Variants in ZBTB40 observed in about 807,000 individuals in gnomAD.
ZBTB40 encodes zinc finger and BTB domain containing 40.
In ZBTB40, 60 loss-of-function variants were observed where a neutral mutation model predicts 117.5. The ratio of observed to expected loss-of-function variants is 0.51; its 90% confidence interval spans 0.41 to 0.63. ZBTB40 has a LOEUF of 0.63. Among genes scored for constraint, ZBTB40 ranks in the 30% least tolerant of loss-of-function variants. ZBTB40 has a pLI of 0.00. For missense variants in ZBTB40, 1,287 were observed against 1,498.5 expected (o/e 0.86, Z 2.33); for synonymous variants, 525 against 577.1 (o/e 0.91, Z 1.29).
chr1:22,493,889 T>C (rs1242968622), intron 3 of ZBTB40, among the ~76,000 whole-genome samples: 1 of 151,964 alleles, frequency 6.6e-6, no homozygotes, highest in Non-Finnish European at 1.5e-5. Flanking sequence ...CTGAGTTGTA[T>C]GCATTGTGTG....
chr1:22,491,269 C>G, intron 2 of ZBTB40, 131 bp from the exon 3 acceptor site: 1 of 902,660 alleles, frequency 1.1e-6, no homozygotes, highest in Admixed American at 2.1e-5. Flanking sequence ...GTCTGTTATT[C>G]ATAACTGATG....
rs1292621579 is a variant in ZBTB40 at position 22,491,462 on chromosome 1, G to T, written c.760G>T (p.Ala254Ser). ...AGAAAATGAAGGTGTCTTCTCAGAT[G>T]CACTCATGGTTACCCAGGATGTTTT... is the stretch of plus-strand genomic sequence containing the variant. ...LLENEGVFSD[A>S]LMVTQDVLKK... Residue 254 changes from alanine (A) to serine (S), a missense_variant, in exon 3 of 18, where the codon GCA becomes TCA. Coordinates refer to ENST00000375647, the MANE Select transcript of ZBTB40 (RefSeq NM_014870.4). 3.1e-6 allele frequency: 5 copies of T among 1,613,788 alleles called. No homozygotes were observed. The African/African-American group carries it at 6.7e-5, about 22-fold the overall frequency.
chr1:22,445,392 GTCCAGGTGCAGAGGCTCA>G (rs1640775833), intron 1 of ZBTB40, among the ~76,000 whole-genome samples: 1 of 152,164 alleles, frequency 6.6e-6, no homozygotes, highest in African/African-American at 2.4e-5. Flanking sequence ...AAAGTTCACA[GTCCAGGTGCAGAGGCTCA>G]CCAAAAGGCT....
At chr1:22,494,890 A>T (rs904454230) in intron 3 of ZBTB40, among the ~76,000 whole-genome samples, 1 of 152,196 alleles carries the variant, frequency 6.6e-6, no homozygotes, top group African/African-American at 2.4e-5. Context: ...ATTTCACCAT[A>T]AGGCTTCAGC....
chr1:22,460,010 C>T (rs1641093745), intron 1 of ZBTB40, among the ~76,000 whole-genome samples: 1 of 152,132 alleles, frequency 6.6e-6, no homozygotes, highest in African/African-American at 2.4e-5. Flanking sequence ...AGAAGTTCTA[C>T]ACACCCACAT....
chr1:22,431,384 G>GTGTATATATATATATATA (rs1222294324), intron 1 of ZBTB40, among the ~76,000 whole-genome samples: 10 of 119,696 alleles, frequency 8.4e-5, no homozygotes, highest in East Asian at 2.1e-4. Context: ...GTGTGTGTGT[G>GTGTATATATATATATATA]TATATATATA....
rs1237727290 is a variant in ZBTB40, at chr1:22,513,966, A to G, written c.2668+836A>G. Among the ~76,000 whole-genome samples the G allele has an allele frequency of 6.6e-6, 1 of 152,218 alleles. No homozygotes were observed. The highest frequency in any genetic ancestry group is 2.4e-5 in the African/African-American group (1 of 41,460). On this transcript the variant is annotated intron_variant, in intron 12 of 17. Coordinates refer to ENST00000375647, the MANE Select transcript of ZBTB40 (RefSeq NM_014870.4). The surrounding 1 kb of genome is among the most constrained non-coding windows in gnomAD (Gnocchi z 4.9). Reference sequence around the variant, plus strand: ...TGAGAAGGACCCTGACTAAGCACCTACCGTGGATCAGACAGTGGCAGATGC... The same window carrying G: ...TGAGAAGGACCCTGACTAAGCACCTGCCGTGGATCAGACAGTGGCAGATGC...
intron 1 of ZBTB40, among the ~76,000 whole-genome samples, chr1:22,479,063 T>C (rs1641618008): frequency 6.6e-6 from 1 of 152,242 alleles, no homozygotes; most frequent in African/African-American, 2.4e-5. Flanking sequence ...CTTTTGTTTC[T>C]GGCTTCTTTG....
intron 6 of ZBTB40, 35 bp downstream of exon 6, chr1:22,506,276 C>T (rs778076469): frequency 2.5e-6 from 4 of 1,606,434 alleles, no homozygotes; most frequent in Admixed American, 3.3e-5. Context: ...GGACTGGAAC[C>T]ACTCTTCCAG....
At chr1:22,501,113 G>A (rs1638923597) in intron 3 of ZBTB40, among the ~76,000 whole-genome samples, 1 of 152,078 alleles carries the variant, frequency 6.6e-6, no homozygotes, top group Non-Finnish European at 1.5e-5. Context: ...CGGATACAGA[G>A]CCCTAGAAAG....
intron 1 of ZBTB40, among the ~76,000 whole-genome samples, chr1:22,441,805 A>G (rs758384194): frequency 6.6e-5 from 10 of 152,032 alleles, no homozygotes; most frequent in Admixed American, 1.3e-4. Flanking sequence ...TTTCTTTGCT[A>G]GCTTTGAGTT....
chr1:22,454,376 A>C (rs1640957648), intron 1 of ZBTB40, among the ~76,000 whole-genome samples: 1 of 152,238 alleles, frequency 6.6e-6, no homozygotes, highest in East Asian at 1.9e-4. Context: ...CAAGACAGTA[A>C]AGAAATAACA....
intron 1 of ZBTB40, among the ~76,000 whole-genome samples, chr1:22,464,362 G>C (rs2124393913): frequency 6.6e-6 from 1 of 152,284 alleles, no homozygotes; most frequent in East Asian, 1.9e-4. Flanking sequence ...ACATTACATG[G>C]GCAGTAATTT....
At chr1:22,441,491 T>TTC (rs1640732353) in intron 1 of ZBTB40, among the ~76,000 whole-genome samples, 1 of 144,476 alleles carries the variant, frequency 6.9e-6, no homozygotes, top group Non-Finnish European at 1.5e-5. Flanking sequence ...TTTTTTTTTT[T>TTC]TTTTGAGACA....
Position 22,512,138 on chromosome 1 carries a change from C to T in ZBTB40, c.2461+4C>T, listed in dbSNP as rs767218891. The T allele has an allele frequency of 1.9e-5, 30 of 1,612,504 alleles. No homozygotes were observed. Among genetic ancestry groups the T allele is most frequent in the African/African-American group, 1.2e-4 (9 of 74,864 alleles). On this transcript the variant is annotated splice_donor_region_variant and intron_variant, in intron 11 of 17. Coordinates refer to ENST00000375647, the MANE Select transcript of ZBTB40 (RefSeq NM_014870.4). ...AGAGAATTTGCCCATGCCTCAGGTA[C>T]GTTCAAGAAGGCAAAGGAACAGAGG...
chr1:22,489,008 C>G (rs756108149), intron 1 of ZBTB40, among the ~76,000 whole-genome samples: 2 of 152,130 alleles, frequency 1.3e-5, no homozygotes, highest in African/African-American at 2.4e-5. Flanking sequence ...AAGCAAAAGT[C>G]AAGGATGACT....
intron 16 of ZBTB40, among the ~76,000 whole-genome samples, chr1:22,523,175 TCTC>T (rs1350914027): frequency 5.9e-5 from 9 of 151,870 alleles, no homozygotes; most frequent in African/African-American, 2.2e-4. Flanking sequence ...ATGGTCTCGA[TCTC>T]CTGACCTCAT....
chr1:22,486,717 TTTTTG>T lies in ZBTB40; in HGVS notation c.-69-3133_-69-3129del, dbSNP rs199723095. Among the ~76,000 whole-genome samples the T allele has an allele frequency of 1.5e-3, 22 of 14,788 alleles. No individual in the cohort carries two copies. The African/African-American group carries it at 0.019, about 13-fold the overall frequency. The allele number at this position is 14,788 out of a possible 152,430, so 9.7% of individuals were successfully genotyped here. A position where few individuals can be genotyped will look rare whatever the true frequency, so the allele number is the denominator to read the frequency against. On this transcript the variant is annotated intron_variant, in intron 1 of 17. Coordinates refer to ENST00000375647, the MANE Select transcript of ZBTB40 (RefSeq NM_014870.4). Reference sequence around the variant, plus strand: ...TACAGAGGCGTTTGTTCATACATTTTTTTTGTTTTGTTTTGTTTTGTTTTGTTTTG... The same window carrying T: ...TACAGAGGCGTTTGTTCATACATTTTTTTTGTTTTGTTTTGTTTTGTTTTG...
At position 22,513,167 on chromosome 1, in the gene ZBTB40, T is replaced by A; in HGVS notation, c.2668+37T>A. On this transcript the variant is annotated intron_variant, in intron 12 of 17. Coordinates refer to ENST00000375647, the MANE Select transcript of ZBTB40 (RefSeq NM_014870.4). This position sits in a 1 kb window ranked among gnomAD's most constrained non-coding sequence, Gnocchi z 4.9. ...CACAGTTCATTTCTCCTGCAGACTT[T>A]CACTGCGAACTGCCTAAACCCCATT... 6.2e-7 allele frequency: 1 copy of A among 1,601,550 alleles called. No individual in the cohort carries two copies. Among genetic ancestry groups the A allele is most frequent in the Non-Finnish European group, 8.5e-7 (1 of 1,173,292 alleles).
Sources: gnomAD v4.1 joint callset for allele counts (sites outside exome capture counted in the v4.1 genomes callset) on GRCh38, gnomAD v4.1.1 for gene constraint, Gnocchi (gnomAD v3.1) non-coding constraint, MANE v1.5 for transcripts, NCBI Gene and HGNC (gene_info 2026-07-23, HGNC 2026-07-21) for gene names.